ZDHHC5: variants seen among roughly 807,000 people sequenced by gnomAD.
ZDHHC5 encodes the protein zDHHC palmitoyltransferase 5.
A neutral mutation model predicts 70.0 loss-of-function variants in ZDHHC5; 22 were observed. That is an observed-to-expected ratio of 0.31 (90% CI 0.22 to 0.45). ZDHHC5 has a LOEUF of 0.45. ZDHHC5 is among the 20% of genes least tolerant of loss of function. The probability of loss-of-function intolerance (pLI) is 1.00; values close to 1 mark genes in which losing one functional copy is unlikely to be tolerated. For missense variants in ZDHHC5, 746 were observed against 926.9 expected (o/e 0.80, Z 2.53); for synonymous variants, 313 against 347.8 (o/e 0.90, Z 1.11).
chr11:57,697,474 A>T (rs1565198891), intron 10 of ZDHHC5, among the ~76,000 whole-genome samples: 6 of 149,374 alleles, frequency 4.0e-5, no homozygotes, highest in Admixed American at 4.0e-4. Flanking sequence ...AAAAAAAAAT[A>T]AATAAATAAA....
intron 9 of ZDHHC5, 47 bp downstream of exon 9, chr11:57,696,090 T>C: frequency 6.3e-7 from 1 of 1,579,006 alleles, no homozygotes; most frequent in Non-Finnish European, 8.6e-7. Flanking sequence ...GGGGCAGGAT[T>C]GAGAAGGTTG....
intron 3 of ZDHHC5, among the ~76,000 whole-genome samples, chr11:57,686,974 G>A (rs957270625): frequency 5.3e-5 from 8 of 152,008 alleles, no homozygotes; most frequent in African/African-American, 1.9e-4. Flanking sequence ...GGGATTACAG[G>A]CGTGTGCCAC....
chr11:57,673,028 C>A lies in ZDHHC5; in HGVS notation c.-63C>A. On this transcript the variant is annotated 5_prime_UTR_variant, in exon 2 of 12. In the 5' UTR this introduces an upstream ATG that the reference lacks. Transcript: ENST00000287169. ...TGCTTCCCTCCTCCCATTTTCTTGT[C>A]TGTTCTGCCGCTGTGTGGGCCTGGG... 6.6e-7 allele frequency: 1 copy of A among 1,521,736 alleles called. No homozygotes were observed. The highest frequency in any genetic ancestry group is 1.7e-4 in the Middle Eastern group (1 of 5,740). The allele number at this position is 1,521,736 out of a possible 1,614,324, so 94.3% of individuals were successfully genotyped here. A position where few individuals can be genotyped will look rare whatever the true frequency, so the allele number is the denominator to read the frequency against.
At chr11:57,696,683 GAC>G in intron 9 of ZDHHC5, 76 bp from the exon 10 acceptor site, 2 of 1,295,636 alleles carry the variant, frequency 1.5e-6, no homozygotes, top group Non-Finnish European at 2.2e-6. Context: ...CTCTAGCTTG[GAC>G]AGTAGAGTGA....
At position 57,699,300 on chromosome 11, in the gene ZDHHC5, C is replaced by T; in HGVS notation, c.1864C>T (p.Pro622Ser). 1 of 1,614,222 alleles carries T rather than the reference C, an allele frequency of 6.2e-7. No individual in the cohort carries two copies. The highest frequency in any genetic ancestry group is 8.5e-7 in the Non-Finnish European group (1 of 1,180,024). The change falls in exon 11 of 12, where the codon CCT (proline) becomes TCT (serine). Residue 622 changes from proline to serine, a missense_variant. Coordinates refer to ENST00000287169, the MANE Select transcript of ZDHHC5 (RefSeq NM_015457.3). ...DGLRGRGVGSPEPGPTAPYLG... is the reference protein window; with the variant it reads ...DGLRGRGVGSSEPGPTAPYLG... ...GCTAAGGGGCCGGGGAGTAGGGTCC[C>T]CTGAACCAGGCCCAACAGCCCCATA...
chr11:57,693,752 T>G, intron 7 of ZDHHC5, 31 bp from the exon 8 acceptor site: 1 of 1,525,498 alleles, frequency 6.6e-7, no homozygotes, highest in Non-Finnish European at 8.8e-7. Context: ...TCTCTCGCTG[T>G]GTCTCTCTCT....
chr11:57,688,681 G>C lies in ZDHHC5; in HGVS notation c.384+16G>C, dbSNP rs1200353356. 9 of 1,570,350 alleles carry C rather than the reference G, an allele frequency of 5.7e-6. No homozygotes were observed. Among genetic ancestry groups the C allele is most frequent in the Non-Finnish European group, 7.8e-6 (9 of 1,156,950 alleles). On this transcript the variant is annotated intron_variant, in intron 4 of 11. Coordinates refer to ENST00000287169, the MANE Select transcript of ZDHHC5 (RefSeq NM_015457.3). ...CTGTGTGGAGGTAAGCACCCTGGGT[G>C]GGGTAAGACTTCATGCTTAACCTTC...
rs912126501 is a variant in ZDHHC5 at position 57,694,043 on chromosome 11, C to G, written c.885+128C>G. On this transcript the variant is annotated intron_variant, in intron 8 of 11. Coordinates refer to ENST00000287169, the MANE Select transcript of ZDHHC5 (RefSeq NM_015457.3). ...TGAGACAGAGTCTTGCTCTGTTGCC[C>G]AGGCTGGAGTGCAGTGGTGCTCAGT... 8.6e-6 allele frequency: 11 copies of G among 1,279,802 alleles called. No individual in the cohort carries two copies. In the African/African-American group the frequency reaches 1.5e-4, roughly 18 times the overall value. The allele number at this position is 1,279,802 out of a possible 1,614,324, so 79.3% of individuals were successfully genotyped here.
intron 6 of ZDHHC5, among the ~76,000 whole-genome samples, chr11:57,691,736 T>C (rs117171428): frequency 6.6e-6 from 1 of 151,986 alleles, no homozygotes; most frequent in East Asian, 1.9e-4. Context: ...ATTTAAAGTG[T>C]AGCAAGACAT....
At chr11:57,675,174 C>G (rs1172557335) in intron 2 of ZDHHC5, among the ~76,000 whole-genome samples, 1 of 152,174 alleles carries the variant, frequency 6.6e-6, no homozygotes, top group Non-Finnish European at 1.5e-5. Context: ...ATGTACAAGA[C>G]CAGTTTGACA....
At chr11:57,677,397 C>T (rs1050501827) in intron 2 of ZDHHC5, among the ~76,000 whole-genome samples, 1 of 151,302 alleles carries the variant, frequency 6.6e-6, no homozygotes, top group Non-Finnish European at 1.5e-5. Context: ...AGCGATTCTC[C>T]TGCCTCAACC....
intron 1 of ZDHHC5, 146 bp downstream of exon 1, chr11:57,668,333 C>T (rs1945951842): frequency 4.9e-6 from 1 of 205,214 alleles, no homozygotes; most frequent in Non-Finnish European, 9.7e-6. Flanking sequence ...CTTCCAACCG[C>T]GGCGGGACCC....
rs1001192526 is a variant in ZDHHC5 at position 57,700,212 on chromosome 11, C to A, written c.*181C>A. 87 of 709,218 alleles carry A rather than the reference C, an allele frequency of 1.2e-4. No individual in the cohort carries two copies. The highest frequency in any genetic ancestry group is 1.7e-4 in the Non-Finnish European group (80 of 475,122). 43.9% of individuals were successfully genotyped at this position (709,218 alleles called of 1,614,324 possible). On this transcript the variant is annotated 3_prime_UTR_variant, in exon 12 of 12. Transcript: ENST00000287169. ...GCTTGGGGAGTCGGAGAGTTGGGGC[C>A]CTGAGACTGGGGTAGCAACCCCCCC...
chr11:57,692,737 G>C, intron 7 of ZDHHC5, 35 bp downstream of exon 7: 10 of 1,609,186 alleles, frequency 6.2e-6, no homozygotes, highest in Non-Finnish European at 8.5e-6. Context: ...GTTTACCATT[G>C]GTCAGAACTT....
chr11:57,677,576 C>G (rs969828160), intron 2 of ZDHHC5, among the ~76,000 whole-genome samples: 1 of 152,026 alleles, frequency 6.6e-6, no homozygotes, highest in African/African-American at 2.4e-5. Flanking sequence ...CGTGAGCCAC[C>G]GCACCTGGCC....
intron 2 of ZDHHC5, among the ~76,000 whole-genome samples, chr11:57,682,140 A>T (rs1476163301): frequency 6.6e-6 from 1 of 152,236 alleles, no homozygotes; most frequent in Non-Finnish European, 1.5e-5. Context: ...AACATGTGGC[A>T]AGATCCACAG....
Position 57,700,222 on chromosome 11 carries a change from G to C in ZDHHC5, c.*191G>C. ...TCGGAGAGTTGGGGCCCTGAGACTG[G>C]GGTAGCAACCCCCCCTTTTATCTTT... On this transcript the variant is annotated 3_prime_UTR_variant, in exon 12 of 12. Transcript: ENST00000287169. The C allele has an allele frequency of 1.7e-6, 1 of 594,546 alleles. No individual in the cohort carries two copies. The highest frequency in any genetic ancestry group is 3.6e-5 in the South Asian group (1 of 27,996). 36.8% of individuals were successfully genotyped at this position (594,546 alleles called of 1,614,324 possible). A position where few individuals can be genotyped will look rare whatever the true frequency, so the allele number is the denominator to read the frequency against.
chr11:57,699,397 T>C lies in ZDHHC5; in HGVS notation c.1961T>C (p.Leu654Ser). 3 of 1,581,980 alleles carry C rather than the reference T, an allele frequency of 1.9e-6. No homozygotes were observed. The highest frequency in any genetic ancestry group is 2.6e-6 in the Non-Finnish European group (3 of 1,163,726). The change falls in exon 11 of 12, where the codon TTG becomes TCG. Residue 654 changes from leucine (L) to serine (S), a missense_variant. Physicochemically the swap from Leu to Ser is moderately radical, Grantham distance 145. Coordinates refer to ENST00000287169, the MANE Select transcript of ZDHHC5 (RefSeq NM_015457.3). ...PGVSETEEVA[L>S]QPLLTPKDEV... ...GTCTCTGAGACAGAAGAAGTGGCCT[T>C]GCAGCCATTACTGACACCCAAGTAA...
In ZDHHC5 at chr11:57,672,284, A is replaced by G. The variant is rs1039981278; in HGVS notation, c.-807A>G. 7.5e-6 allele frequency: 3 copies of G among 398,394 alleles called. No homozygotes were observed. Among genetic ancestry groups the G allele is most frequent in the Admixed American group, 4.4e-5 (1 of 22,716 alleles). 24.7% of individuals were successfully genotyped at this position (398,394 alleles called of 1,614,324 possible). ...AGAGCCCTTAAAGGGCTTGGGAATA[A>G]CAAGAAGAGATTGAAGACAGAGAAG... On this transcript the variant is annotated 5_prime_UTR_variant, in exon 2 of 12. Coordinates refer to ENST00000287169, the MANE Select transcript of ZDHHC5 (RefSeq NM_015457.3).
Sources: allele counts gnomAD v4.1 joint callset (sites outside exome capture counted in the v4.1 genomes callset), GRCh38; gene constraint gnomAD v4.1.1; transcripts MANE v1.5; gene names NCBI Gene and HGNC (gene_info 2026-07-23, HGNC 2026-07-21).